Variants in COL9A3 observed in about 807,000 individuals in gnomAD.
COL9A3 encodes collagen type IX alpha 3 chain.
COL9A3 carries 82 observed loss-of-function variants against 110.2 expected under a neutral mutation model. The observed-to-expected ratio is 0.74, with a 90% confidence interval of 0.62 to 0.89. The LOEUF is 0.89. Ranked by LOEUF, COL9A3 falls within the 40% of genes least tolerant of loss-of-function variation. COL9A3 has a pLI of 0.00. For missense variants in COL9A3, 1,066 were observed against 981.3 expected, an observed-to-expected ratio of 1.09 and a Z score of -1.15; for synonymous variants, 494 against 403.8, an observed-to-expected ratio of 1.22 and a Z score of -2.68.
intron 22 of COL9A3, among the ~76,000 whole-genome samples, chr20:62,830,100 G>T (rs1046297430): frequency 6.6e-6 from 1 of 152,146 alleles, no homozygotes; most frequent in Non-Finnish European, 1.5e-5. Context: ...ACAGGGCCCT[G>T]GTGGGGGGAG....
At chr20:62,825,958 C>A in intron 13 of COL9A3, 88 bp downstream of exon 13, 2 of 1,416,866 alleles carry the variant, frequency 1.4e-6, no homozygotes, top group Non-Finnish European at 1.9e-6. Context: ...CCGAGGGGGC[C>A]AGCTCCGGCT....
chr20:62,831,900 CGGGTGTTACAAACAGTGCAAA>C, intron 24 of COL9A3: 1 of 567,272 alleles, frequency 1.8e-6, no homozygotes, highest in South Asian at 2.0e-5. Flanking sequence ...CACGAATTCA[CGGGTGTTACAAACAGTGCAAA>C]CCTAACGGGA....
intron 11 of COL9A3, 37 bp from the exon 12 acceptor site, chr20:62,824,931 G>A (rs200785436): frequency 3.8e-6 from 6 of 1,594,072 alleles, no homozygotes; most frequent in African/African-American, 2.7e-5. Flanking sequence ...GGTGTCGGGG[G>A]GTCTGGGTGG....
At chr20:62,830,648 C>A in intron 24 of COL9A3, 60 bp downstream of exon 24, 4 of 793,156 alleles carry the variant, frequency 5.0e-6, no homozygotes, top group South Asian at 3.4e-5. Context: ...TACCACAGTC[C>A]CCCACCCCCA....
intron 31 of COL9A3, among the ~76,000 whole-genome samples, chr20:62,840,285 C>CA (rs1272016844): frequency 2.6e-5 from 4 of 151,544 alleles, no homozygotes; most frequent in African/African-American, 9.7e-5. Context: ...CCGCGTAAGT[C>CA]AGAGTGCGGG....
chr20:62,818,503 T>C lies in COL9A3; in HGVS notation c.148-15T>C, dbSNP rs201752661. 152 of 1,612,662 alleles carry C rather than the reference T, an allele frequency of 9.4e-5. No homozygotes were observed. Among genetic ancestry groups the C allele is most frequent in the Non-Finnish European group, 1.4e-5 (16 of 1,179,678 alleles). On this transcript the variant is annotated splice_polypyrimidine_tract_variant and intron_variant, in intron 2 of 31. Transcript: ENST00000649368. ...CCTGATTTTCAGGGTTACATGTGGGTGTCTTTCCTCACAGGGAGAAGCTGG... is the reference window on the plus strand; with the variant it reads ...CCTGATTTTCAGGGTTACATGTGGGCGTCTTTCCTCACAGGGAGAAGCTGG...
At chr20:62,828,290 C>T (rs1340119151) in intron 17 of COL9A3, among the ~76,000 whole-genome samples, 1 of 152,202 alleles carries the variant, frequency 6.6e-6, no homozygotes, top group African/African-American at 2.4e-5. Context: ...ACCTTCCTTC[C>T]TGCTGGGTGC....
intron 1 of COL9A3, 152 bp from the exon 2 acceptor site, chr20:62,817,415 G>T: frequency 1.7e-6 from 1 of 597,310 alleles, no homozygotes. Flanking sequence ...CACACTGCGC[G>T]GGGGCGCCGG....
At position 62,827,314 on chromosome 20, in the gene COL9A3, G is replaced by A. The variant is rs375744228; in HGVS notation, c.846+20G>A. The A allele has an allele frequency of 6.2e-7, 1 of 1,611,788 alleles. No individual in the cohort carries two copies. Among genetic ancestry groups the A allele is most frequent in the African/African-American group, 1.3e-5 (1 of 74,906 alleles). ...GACCTCGTAAGTGAGAGGGAAGTTGGTTCCCTGGGTCCTTATGTGGAAGAA... is the reference window on the plus strand; with the variant it reads ...GACCTCGTAAGTGAGAGGGAAGTTGATTCCCTGGGTCCTTATGTGGAAGAA... On this transcript the variant is annotated intron_variant, in intron 16 of 31. Transcript: ENST00000649368.
At chr20:62,840,279 G>A (rs1179893503) in intron 31 of COL9A3, among the ~76,000 whole-genome samples, 7 of 151,602 alleles carry the variant, frequency 4.6e-5, no homozygotes, top group African/African-American at 1.5e-4. Context: ...CCAAACCCGC[G>A]TAAGTCAGAG....
At chr20:62,839,130 CAA>C (rs932967833) in intron 31 of COL9A3, among the ~76,000 whole-genome samples, 21 of 151,892 alleles carry the variant, frequency 1.4e-4, no homozygotes, top group African/African-American at 4.8e-4. Flanking sequence ...GAGGCTGAGA[CAA>C]GAGAATCGCT....
intron 10 of COL9A3, 109 bp from the exon 11 acceptor site, chr20:62,824,336 C>A: frequency 1.7e-6 from 2 of 1,179,460 alleles, no homozygotes; most frequent in South Asian, 1.3e-5. Flanking sequence ...CTCCCGGGGT[C>A]CCGTCACCGT....
At chr20:62,819,083 C>T (rs1178000607) in intron 3 of COL9A3, 139 bp from the exon 4 acceptor site, 2 of 876,624 alleles carry the variant, frequency 2.3e-6, no homozygotes, top group Non-Finnish European at 1.9e-6. Context: ...GTCTGCCAGA[C>T]AGTAGGGGGG....
rs1388594658 is a variant in COL9A3, at chr20:62,829,484, C to G, written c.1038C>G (p.Gly346=). 1 of 1,612,652 alleles carries G rather than the reference C, an allele frequency of 6.2e-7. No individual in the cohort carries two copies. Among genetic ancestry groups the G allele is most frequent in the African/African-American group, 1.3e-5 (1 of 74,986 alleles). Residue 346 remains glycine (G), a synonymous_variant, in exon 20 of 32, where the codon GGC becomes GGG. Coordinates refer to ENST00000649368, the MANE Select transcript of COL9A3 (RefSeq NM_001853.4). Reference sequence around the variant, plus strand: ...TCCCTGGACGAGCGGGGTCCAAAGGCGAGAAGGGAGAACGGGTATGTGGCT... The same window carrying G: ...TCCCTGGACGAGCGGGGTCCAAAGGGGAGAAGGGAGAACGGGTATGTGGCT... ...PGLPGRAGSK[G]EKGERGRAGE...
intron 30 of COL9A3, among the ~76,000 whole-genome samples, chr20:62,838,465 G>A (rs572280808): frequency 1.9e-4 from 29 of 152,330 alleles, no homozygotes; most frequent in African/African-American, 6.0e-4. Context: ...GCGGTGCGTC[G>A]TCCACCTGCA....
At position 62,824,834 on chromosome 20, in the gene COL9A3, C is replaced by T. The variant is rs1448092569; in HGVS notation, c.577-134C>T. ...TCAGGCCTCAGTTTCCCCATGAGGG[C>T]CCAGACCCGCGGTCCTGTGCGCTGC... On this transcript the variant is annotated intron_variant, in intron 11 of 31. Transcript: ENST00000649368. 4 of 985,840 alleles carry T rather than the reference C, an allele frequency of 4.1e-6. No homozygotes were observed. In the East Asian group the frequency reaches 1.0e-4, roughly 26 times the overall value. 61.1% of individuals were successfully genotyped at this position (985,840 alleles called of 1,614,324 possible).
At chr20:62,820,696 G>A (rs1314719776) in intron 5 of COL9A3, among the ~76,000 whole-genome samples, 8 of 152,202 alleles carry the variant, frequency 5.3e-5, no homozygotes, top group Non-Finnish European at 7.3e-5. Context: ...AGGCTTTCAG[G>A]AGGGGCCTCC....
At chr20:62,822,562 A>G (rs2063520377) in intron 9 of COL9A3, 29 bp from the exon 10 acceptor site, 1 of 1,611,180 alleles carries the variant, frequency 6.2e-7, no homozygotes, top group African/African-American at 1.3e-5. Context: ...GGAGGGCGGG[A>G]GAATGTCAGC....
upstream of COL9A3, chr20:62,816,309 C>T (rs1293966069): frequency 6.6e-6 from 1 of 152,270 alleles, no homozygotes; most frequent in African/African-American, 2.4e-5. Context: ...TGGCCAGCAC[C>T]GCCTTCAGGT....
Sources: allele counts gnomAD v4.1 joint callset (sites outside exome capture counted in the v4.1 genomes callset), GRCh38; gene constraint gnomAD v4.1.1; transcripts MANE v1.5; gene names NCBI Gene and HGNC (gene_info 2026-07-23, HGNC 2026-07-21).